The following IL1RAP variants were observed in gnomAD, a reference collection of about 807,000 sequenced individuals.
IL1RAP encodes the protein interleukin-1 receptor accessory protein.
A neutral mutation model predicts 60.7 loss-of-function variants in IL1RAP; 35 were observed. That is an observed-to-expected ratio of 0.58 (90% CI 0.44 to 0.76). The LOEUF (loss-of-function observed/expected upper bound fraction) is 0.76. IL1RAP is among the 30% of genes least tolerant of loss of function. The pLI is 0.00. For synonymous variants in IL1RAP, 268 were observed against 250.9 expected, an observed-to-expected ratio of 1.07 and a Z score of -0.64; for missense variants, 572 against 693.9, an observed-to-expected ratio of 0.82 and a Z score of 1.97.
intron 7 of IL1RAP, among the ~76,000 whole-genome samples, chr3:190,624,286 T>C (rs549197730): frequency 2.6e-5 from 4 of 152,360 alleles, no homozygotes; most frequent in Admixed American, 2.6e-4. Flanking sequence ...TCCTTGGTTA[T>C]AAGAACCAAT....
chr3:190,636,629 T>G (rs1318708702), intron 9 of IL1RAP, among the ~76,000 whole-genome samples: 1 of 151,962 alleles, frequency 6.6e-6, no homozygotes, highest in Non-Finnish European at 1.5e-5. Flanking sequence ...GCCAGCTTTC[T>G]TATAATTAGT....
chr3:190,546,028 T>C (rs546870156), intron 1 of IL1RAP, among the ~76,000 whole-genome samples: 60 of 152,276 alleles, frequency 3.9e-4, no homozygotes, highest in Middle Eastern at 3.4e-3. Context: ...TCGATGCCTG[T>C]AGTCACCTCA....
intron 3 of IL1RAP, among the ~76,000 whole-genome samples, chr3:190,594,656 T>TA (rs1729229934): frequency 6.6e-6 from 1 of 152,188 alleles, no homozygotes; most frequent in Non-Finnish European, 1.5e-5. Context: ...AGTGGCTATG[T>TA]GCCTAACTGA....
chr3:190,554,487 A>G (rs1374364135), intron 1 of IL1RAP: 3 of 152,318 alleles, frequency 2.0e-5, no homozygotes, highest in Non-Finnish European at 4.4e-5. Context: ...GTCTCAAAAT[A>G]ACTTTGCTTA....
At chr3:190,554,613 T>C (rs35586594) in intron 1 of IL1RAP, 123,297 of 152,210 alleles carry the variant, frequency 0.81, 49,996 homozygotes, top group South Asian at 0.9. Flanking sequence ...ACTTTTCAAA[T>C]TTATTTTTTG....
At chr3:190,634,156 AT>A (rs2108830816) in intron 9 of IL1RAP, among the ~76,000 whole-genome samples, 1 of 152,182 alleles carries the variant, frequency 6.6e-6, no homozygotes, top group South Asian at 2.1e-4. Flanking sequence ...ATACTTACTG[AT>A]TTTGAAATGT....
intron 1 of IL1RAP, among the ~76,000 whole-genome samples, chr3:190,521,332 G>C (rs775227311): frequency 9.2e-5 from 14 of 151,846 alleles, no homozygotes; most frequent in Non-Finnish European, 1.5e-4. Flanking sequence ...GAGGTAATCA[G>C]GGCAGGTGTT....
intron 2 of IL1RAP, among the ~76,000 whole-genome samples, chr3:190,559,695 T>C (rs1322365039): frequency 2.6e-5 from 4 of 152,232 alleles, no homozygotes; most frequent in Non-Finnish European, 4.4e-5. Flanking sequence ...TTTCCTATTA[T>C]CTTTCTGTTA....
exon 12 of IL1RAP, chr3:190,659,602 T>G (rs1338904789): frequency 6.6e-6 from 1 of 152,202 alleles, no homozygotes; most frequent in African/African-American, 2.4e-5. Context: ...GATATATCAT[T>G]GCATAAGAAA....
intron 5 of IL1RAP, among the ~76,000 whole-genome samples, chr3:190,618,998 A>G (rs187625077): frequency 1.3e-5 from 2 of 152,244 alleles, no homozygotes; most frequent in Non-Finnish European, 2.9e-5. Context: ...TCATACAAAC[A>G]TTAAAGATGA....
intron 5 of IL1RAP, among the ~76,000 whole-genome samples, chr3:190,609,742 G>A (rs1182463599): frequency 2.6e-5 from 4 of 152,124 alleles, no homozygotes; most frequent in Non-Finnish European, 4.4e-5. Flanking sequence ...GAAACCCCAC[G>A]GCCAGAATTT....
At chr3:190,544,922 A>G (rs1158419120) in intron 1 of IL1RAP, among the ~76,000 whole-genome samples, 2 of 152,234 alleles carry the variant, frequency 1.3e-5, no homozygotes, top group African/African-American at 4.8e-5. Context: ...CATTCTGTAA[A>G]AGCCTAAGCT....
chr3:190,564,021 G>A (rs1726145953), intron 2 of IL1RAP: 2 of 380,848 alleles, frequency 5.3e-6, no homozygotes, highest in Non-Finnish European at 9.7e-6. Context: ...CTTGTCTCTA[G>A]CCAAAGGATC....
chr3:190,515,116 A>C (rs1043765860), intron 1 of IL1RAP, among the ~76,000 whole-genome samples: 15 of 152,176 alleles, frequency 9.9e-5, no homozygotes, highest in African/African-American at 3.6e-4. Context: ...TGGTTTAGCT[A>C]CTGGATGAGA....
intron 1 of IL1RAP, among the ~76,000 whole-genome samples, chr3:190,547,235 C>T (rs1351618015): frequency 6.6e-6 from 1 of 152,130 alleles, no homozygotes; most frequent in Non-Finnish European, 1.5e-5. Flanking sequence ...ACTTTATTTT[C>T]AATAAAGTCA....
At chr3:190,547,434 C>T (rs1382657007) in intron 1 of IL1RAP, among the ~76,000 whole-genome samples, 1 of 152,160 alleles carries the variant, frequency 6.6e-6, no homozygotes, top group Non-Finnish European at 1.5e-5. Context: ...TCAACAGGGA[C>T]ACAGACTCAC....
At chr3:190,656,725 T>C (rs1346411756) in exon 12 of IL1RAP, 11 of 642,166 alleles carry the variant, frequency 1.7e-5, no homozygotes, top group Admixed American at 1.3e-4. Context: ...GTCCCCTTTA[T>C]TGATTTTTAA....
chr3:190,597,123 A>T (rs1473230104), intron 3 of IL1RAP, among the ~76,000 whole-genome samples: 1 of 152,176 alleles, frequency 6.6e-6, no homozygotes, highest in African/African-American at 2.4e-5. Flanking sequence ...TGTAAGGGAG[A>T]TACATGGCAG....
chr3:190,627,366 G>A lies in IL1RAP; in HGVS notation c.819G>A (p.Leu273=), dbSNP rs759049454. 1 of 1,612,302 alleles carries A rather than the reference G, an allele frequency of 6.2e-7. No homozygotes were observed. The highest frequency in any genetic ancestry group is 1.1e-5 in the South Asian group (1 of 90,998). Residue 273 remains leucine (L), a synonymous_variant, in exon 8 of 12, where the codon CTG becomes CTA. Coordinates refer to ENST00000447382, the MANE Select transcript of IL1RAP (RefSeq NM_002182.4). ...CCTGTACGGTCTATTTTAGTTTTCT[G>A]ATGGATTCTCGCAATGAGGTTTGGT... ...LIPCTVYFSF[L]MDSRNEVWWT...
Sources: gnomAD v4.1 joint callset for allele counts (sites outside exome capture counted in the v4.1 genomes callset) on GRCh38, gnomAD v4.1.1 for gene constraint, MANE v1.5 for transcripts, NCBI Gene and HGNC (gene_info 2026-07-23, HGNC 2026-07-21) for gene names.